Variants in TMEM123 observed in about 807,000 individuals in gnomAD.
TMEM123 encodes porimin.
Under a neutral mutation model 19.7 loss-of-function variants are expected in TMEM123, and 16 were observed. The ratio of observed to expected loss-of-function variants is 0.81; its 90% CI spans 0.55 to 1.23. The LOEUF is 1.23. Ranked by LOEUF, TMEM123 falls within the 50% of genes most tolerant of loss-of-function variation. The probability of loss-of-function intolerance (pLI) is 0.00; values close to 1 mark genes in which losing one functional copy is unlikely to be tolerated. For synonymous variants in TMEM123, 118 were observed against 99.4 expected (o/e 1.19, Z -1.12); for missense variants, 313 against 257.8 (o/e 1.21, Z -1.47).
intron 1 of TMEM123, chr11:102,452,242 T>TA: frequency 3.0e-6 from 1 of 333,350 alleles, no homozygotes; most frequent in Non-Finnish European, 5.4e-6. Context: ...CAACTTGCGG[T>TA]AACTCAACAG....
At chr11:102,406,752 T>C (rs1366206609) in intron 2 of TMEM123, among the ~76,000 whole-genome samples, 1 of 151,482 alleles carries the variant, frequency 6.6e-6, no homozygotes, top group East Asian at 1.9e-4. Flanking sequence ...GCGCCTGTAG[T>C]CCCAGCTACT....
chr11:102,431,629 T>A (rs1339652359), intron 2 of TMEM123, among the ~76,000 whole-genome samples: 7 of 152,268 alleles, frequency 4.6e-5, no homozygotes. Context: ...TTTGCACATT[T>A]GCTTTTTTAA....
At chr11:102,399,314 G>T (rs1333363379) in intron 4 of TMEM123, among the ~76,000 whole-genome samples, 2 of 152,104 alleles carry the variant, frequency 1.3e-5, no homozygotes, top group African/African-American at 4.8e-5. Context: ...GTGTGGCATT[G>T]CATGCTTGTA....
intron 2 of TMEM123, among the ~76,000 whole-genome samples, chr11:102,432,800 G>A (rs1294121554): frequency 6.6e-6 from 1 of 152,208 alleles, no homozygotes; most frequent in Non-Finnish European, 1.5e-5. Context: ...ATGCAGCCTG[G>A]GGACATAGTG....
intron 2 of TMEM123, among the ~76,000 whole-genome samples, chr11:102,410,521 A>G (rs2135847075): frequency 6.6e-6 from 1 of 152,122 alleles, no homozygotes; most frequent in African/African-American, 2.4e-5. Context: ...CAAAAAAAAA[A>G]AAAAAGCATG....
At chr11:102,412,241 A>G (rs1166793816) in intron 2 of TMEM123, among the ~76,000 whole-genome samples, 1 of 152,030 alleles carries the variant, frequency 6.6e-6, no homozygotes, top group African/African-American at 2.4e-5. Context: ...GACCAGCCTG[A>G]CCCAACATGG....
At chr11:102,409,254 C>T (rs1409592090) in intron 2 of TMEM123, among the ~76,000 whole-genome samples, 1 of 152,098 alleles carries the variant, frequency 6.6e-6, no homozygotes, top group Non-Finnish European at 1.5e-5. Flanking sequence ...TTTCTGGTGC[C>T]ATAGTTATTT....
At chr11:102,427,803 A>G (rs1348543358) in intron 2 of TMEM123, among the ~76,000 whole-genome samples, 1 of 151,058 alleles carries the variant, frequency 6.6e-6, no homozygotes, top group South Asian at 2.1e-4. Context: ...GCGCCACTGC[A>G]CTCCAGCCTG....
At chr11:102,401,462 C>G in intron 4 of TMEM123, 77 bp downstream of exon 4, 1 of 1,354,520 alleles carries the variant, frequency 7.4e-7, no homozygotes, top group Non-Finnish European at 9.9e-7. Context: ...GAGATGAGCA[C>G]TGGCTTGATA....
At chr11:102,399,297 T>A (rs1951889147) in intron 4 of TMEM123, among the ~76,000 whole-genome samples, 1 of 152,058 alleles carries the variant, frequency 6.6e-6, no homozygotes, top group South Asian at 2.1e-4. Context: ...ATTTAAAAAT[T>A]AGCCTGGTGT....
chr11:102,406,219 G>A (rs565717775), intron 2 of TMEM123, among the ~76,000 whole-genome samples: 1 of 152,330 alleles, frequency 6.6e-6, no homozygotes, highest in Non-Finnish European at 1.5e-5. Context: ...TAAGGTTGAA[G>A]AATCTGAGGC....
chr11:102,435,419 G>A (rs908260635), intron 2 of TMEM123, among the ~76,000 whole-genome samples: 5 of 151,748 alleles, frequency 3.3e-5, no homozygotes, highest in East Asian at 1.9e-4. Context: ...TAGATACAAC[G>A]AAAAAACCGT....
At chr11:102,441,543 A>C (rs1291714660) in intron 2 of TMEM123, among the ~76,000 whole-genome samples, 1 of 152,230 alleles carries the variant, frequency 6.6e-6, no homozygotes, top group East Asian at 1.9e-4. Context: ...CATTTAAAGC[A>C]GTGTGTAGAG....
chr11:102,447,366 G>T (rs1164501129), intron 2 of TMEM123, among the ~76,000 whole-genome samples: 1 of 152,224 alleles, frequency 6.6e-6, no homozygotes, highest in Non-Finnish European at 1.5e-5. Flanking sequence ...AATCCTGAAT[G>T]TGACACTTAG....
At chr11:102,407,545 A>T (rs1171721575) in intron 2 of TMEM123, among the ~76,000 whole-genome samples, 2 of 152,224 alleles carry the variant, frequency 1.3e-5, no homozygotes, top group Non-Finnish European at 2.9e-5. Context: ...TGGAGAGAGA[A>T]TCTTTACAAA....
intron 2 of TMEM123, among the ~76,000 whole-genome samples, chr11:102,430,666 A>T (rs575031923): frequency 6.6e-6 from 1 of 152,312 alleles, no homozygotes; most frequent in South Asian, 2.1e-4. Context: ...GTGGCCACAG[A>T]GCTAGGAAAA....
At chr11:102,431,645 AATAGT>A (rs1857711026) in intron 2 of TMEM123, among the ~76,000 whole-genome samples, 1 of 152,188 alleles carries the variant, frequency 6.6e-6, no homozygotes, top group South Asian at 2.1e-4. Flanking sequence ...TTTAAAGCTG[AATAGT>A]ATTCCATTGT....
intron 2 of TMEM123, among the ~76,000 whole-genome samples, chr11:102,426,394 G>A (rs570414938): frequency 6.6e-6 from 1 of 151,698 alleles, no homozygotes; most frequent in African/African-American, 2.4e-5. Flanking sequence ...GAAGGGAGCC[G>A]ATGCAGACAG....
intron 2 of TMEM123, among the ~76,000 whole-genome samples, chr11:102,439,953 T>C (rs1461025771): frequency 6.6e-6 from 1 of 152,288 alleles, no homozygotes; most frequent in South Asian, 2.1e-4. Flanking sequence ...GTATCAGTGA[T>C]TGAAGATCAA....
Sources: allele counts gnomAD v4.1 joint callset (sites outside exome capture counted in the v4.1 genomes callset), GRCh38; gene constraint gnomAD v4.1.1; transcripts MANE v1.5; gene names NCBI Gene and HGNC (gene_info 2026-07-23, HGNC 2026-07-21).